Variants in DOCK1 observed in about 807,000 individuals in gnomAD.
DOCK1 encodes the protein dedicator of cytokinesis protein 1.
DOCK1 carries 138 observed loss-of-function variants against 262.7 expected under a neutral mutation model. The ratio of observed to expected loss-of-function variants is 0.53; its 90% CI spans 0.46 to 0.61. DOCK1 has a LOEUF of 0.61. Among genes scored for constraint, DOCK1 ranks in the 20% least tolerant of loss-of-function variants. DOCK1 has a pLI of 0.00. For missense variants in DOCK1, 1,908 were observed against 2,370.7 expected, an observed-to-expected ratio of 0.80 and a Z score of 4.05; for synonymous variants, 866 against 867.4, an observed-to-expected ratio of 1.00 and a Z score of 0.03.
intron 12 of DOCK1, chr10:127,013,859 G>A (rs1280870495): frequency 6.6e-6 from 1 of 152,308 alleles, no homozygotes; most frequent in Non-Finnish European, 1.5e-5. Flanking sequence ...TGGAATTCAG[G>A]TCAGAGGTGA....
chr10:127,314,494 C>T (rs1196739321), intron 29 of DOCK1, among the ~76,000 whole-genome samples: 2 of 152,224 alleles, frequency 1.3e-5, no homozygotes. Context: ...GGGCTTCATT[C>T]ACTGTGAGTT....
chr10:127,361,249 G>A (rs1303054762), intron 32 of DOCK1, among the ~76,000 whole-genome samples: 1 of 151,648 alleles, frequency 6.6e-6, no homozygotes, highest in Non-Finnish European at 1.5e-5. Context: ...AGGTAGCTGG[G>A]ACTACAGGCG....
intron 39 of DOCK1, among the ~76,000 whole-genome samples, 188 bp from the exon 40 acceptor site, chr10:127,404,137 A>T (rs928438797): frequency 2.0e-5 from 3 of 152,126 alleles, no homozygotes; most frequent in Non-Finnish European, 4.4e-5. Context: ...AAATAATGTC[A>T]AAACGATGGA....
chr10:127,071,929 C>T (rs909466516), intron 23 of DOCK1, among the ~76,000 whole-genome samples: 1 of 152,200 alleles, frequency 6.6e-6, no homozygotes, highest in Admixed American at 6.5e-5. Context: ...TGCCATCCCT[C>T]CTGCCTTGTC....
At chr10:127,324,519 T>C (rs901591971) in intron 29 of DOCK1, among the ~76,000 whole-genome samples, 3 of 152,162 alleles carry the variant, frequency 2.0e-5, no homozygotes, top group Non-Finnish European at 4.4e-5. Context: ...AAACCCATTT[T>C]GCAGATGTGG....
chr10:127,028,259 C>T (rs1479193381), intron 16 of DOCK1, among the ~76,000 whole-genome samples: 1 of 152,142 alleles, frequency 6.6e-6, no homozygotes, highest in Non-Finnish European at 1.5e-5. Flanking sequence ...AGGATCAGAT[C>T]CAGGCTACCA....
In DOCK1 at chr10:127,176,458, C is replaced by G. The variant is rs1049666434; in HGVS notation, c.2847+48694C>G. 2.1e-6 allele frequency: 3 copies of G among 1,397,860 alleles called. No individual in the cohort carries two copies. Among genetic ancestry groups the G allele is most frequent in the Non-Finnish European group, 2.9e-6 (3 of 1,032,358 alleles). 86.6% of individuals were successfully genotyped at this position (1,397,860 alleles called of 1,614,324 possible). A position where few individuals can be genotyped will look rare whatever the true frequency, so the allele number is the denominator to read the frequency against. ...GGGACAGAAATACACACTCAAGCACCGGCCGCACAAACTTTTAGCCACCAC... is the reference window on the plus strand; with the variant it reads ...GGGACAGAAATACACACTCAAGCACGGGCCGCACAAACTTTTAGCCACCAC... On this transcript the variant is annotated intron_variant, in intron 27 of 51. Coordinates refer to ENST00000623213, the MANE Select transcript of DOCK1 (RefSeq NM_001290223.2). This position sits in a 1 kb window ranked among gnomAD's most constrained non-coding sequence, Gnocchi z 4.4.
At chr10:127,346,562 C>T (rs1224272006) in intron 31 of DOCK1, among the ~76,000 whole-genome samples, 1 of 152,156 alleles carries the variant, frequency 6.6e-6, no homozygotes, top group Non-Finnish European at 1.5e-5. Context: ...CACGACTGCG[C>T]TCCAGCCTGG....
At chr10:127,028,828 C>T (rs79055971) in intron 16 of DOCK1, among the ~76,000 whole-genome samples, 4,232 of 152,168 alleles carry the variant, frequency 0.028, 193 homozygotes, top group African/African-American at 0.095. Flanking sequence ...CAGGTGTGTC[C>T]TCGACCAAGG....
chr10:127,337,684 T>C (rs1409678440), intron 29 of DOCK1, among the ~76,000 whole-genome samples: 1 of 152,224 alleles, frequency 6.6e-6, no homozygotes, highest in Non-Finnish European at 1.5e-5. Flanking sequence ...TTTCTGGTTA[T>C]ATTTTAATGT....
chr10:127,185,135 C>T (rs528134027), intron 27 of DOCK1, among the ~76,000 whole-genome samples: 3 of 152,262 alleles, frequency 2.0e-5, no homozygotes, highest in South Asian at 4.1e-4. Flanking sequence ...TGCTTTGTGT[C>T]GGTTTTCTCT....
chr10:126,913,374 G>A (rs898041955), intron 1 of DOCK1, among the ~76,000 whole-genome samples: 19 of 152,140 alleles, frequency 1.2e-4, no homozygotes, highest in Admixed American at 3.9e-4. Context: ...GGCAAAACCC[G>A]GGCTTTGGTG....
intron 22 of DOCK1, among the ~76,000 whole-genome samples, chr10:127,059,070 G>T (rs9418729): frequency 0.17 from 26,384 of 152,070 alleles, 2,460 homozygotes; most frequent in South Asian, 0.32. Context: ...GTGTTTGAAA[G>T]ATATTTTCAC....
intron 1 of DOCK1, among the ~76,000 whole-genome samples, chr10:126,935,459 A>C (rs899136004): frequency 1.1e-4 from 17 of 152,176 alleles, no homozygotes; most frequent in Non-Finnish European, 1.6e-4. Flanking sequence ...TGTTCTTTAA[A>C]GGCCCAGTGG....
chr10:127,119,249 G>C (rs2049387344), intron 25 of DOCK1, among the ~76,000 whole-genome samples: 1 of 152,136 alleles, frequency 6.6e-6, no homozygotes, highest in African/African-American at 2.4e-5. Context: ...GGGTTTCACT[G>C]TGTCAGCCAG....
At chr10:127,410,629 C>T (rs1387404572) in intron 42 of DOCK1, among the ~76,000 whole-genome samples, 4 of 152,162 alleles carry the variant, frequency 2.6e-5, no homozygotes, top group African/African-American at 9.7e-5. Context: ...CGAGGGTTGG[C>T]AGGGACAGGG....
chr10:126,958,834 C>A (rs994476120), intron 1 of DOCK1, among the ~76,000 whole-genome samples: 1 of 152,178 alleles, frequency 6.6e-6, no homozygotes, highest in Non-Finnish European at 1.5e-5. Context: ...GAGTCGAACT[C>A]TGTGAAATAT....
intron 23 of DOCK1, among the ~76,000 whole-genome samples, 156 bp downstream of exon 23, chr10:127,061,932 T>C (rs1016837363): frequency 4.0e-4 from 8 of 19,882 alleles, no homozygotes; most frequent in African/African-American, 1.1e-3. Flanking sequence ...AGCTGTGCTT[T>C]TTTTTTTTTT....
At chr10:127,420,828 A>G (rs1035929083) in intron 46 of DOCK1, among the ~76,000 whole-genome samples, 3 of 150,826 alleles carry the variant, frequency 2.0e-5, no homozygotes, top group African/African-American at 7.4e-5. Context: ...AACGAGCAAA[A>G]CTGTCTAAAA....
Sources: allele counts gnomAD v4.1 joint callset (sites outside exome capture counted in the v4.1 genomes callset), GRCh38; gene constraint gnomAD v4.1.1; non-coding constraint Gnocchi (gnomAD v3.1); transcripts MANE v1.5; gene names NCBI Gene and HGNC (gene_info 2026-07-23, HGNC 2026-07-21).